The following SLC67A2 variants were observed in gnomAD, a reference collection of about 807,000 sequenced individuals.
The protein encoded by SLC67A2 is solute carrier family 67 member A2.
At chr2:102,731,326 G>A in the SLC67A2 span, among the ~76,000 whole-genome samples, 1 of 152,006 alleles carries the variant, frequency 6.6e-6, no homozygotes, top group Admixed American at 6.6e-5. Flanking sequence ...AAAGGCAAAA[G>A]GTGACGTTAT....
the SLC67A2 span, among the ~76,000 whole-genome samples, chr2:102,724,331 A>C: frequency 6.6e-6 from 1 of 152,162 alleles, no homozygotes; most frequent in Non-Finnish European, 1.5e-5. Context: ...GGCCAGCCCT[A>C]AGGTTGACCC....
the SLC67A2 span, chr2:102,718,774 G>A: frequency 6.2e-7 from 1 of 1,613,810 alleles, no homozygotes; most frequent in African/African-American, 1.3e-5. Context: ...TGAGTATGCT[G>A]GAATGCAGCA....
the SLC67A2 span, chr2:102,736,573 C>T: frequency 6.2e-7 from 1 of 1,612,570 alleles, no homozygotes; most frequent in African/African-American, 1.3e-5. Flanking sequence ...TCCCCGGAAG[C>T]TCCAAGAACC....
chr2:102,731,507 G>A, the SLC67A2 span, among the ~76,000 whole-genome samples: 1 of 152,044 alleles, frequency 6.6e-6, no homozygotes, highest in South Asian at 2.1e-4. Flanking sequence ...TTTATAAAAT[G>A]ATTTATTTTA....
At chr2:102,726,229 C>A in the SLC67A2 span, among the ~76,000 whole-genome samples, 2 of 152,110 alleles carry the variant, frequency 1.3e-5, no homozygotes, top group African/African-American at 2.4e-5. Flanking sequence ...GAAGTGAATC[C>A]CAATTTGATG....
the SLC67A2 span, chr2:102,726,718 A>G: frequency 7.3e-7 from 1 of 1,369,852 alleles, no homozygotes; most frequent in Admixed American, 2.5e-5. Flanking sequence ...CCTTCTGAAC[A>G]CTCTTTAAGC....
chr2:102,725,563 C>T, the SLC67A2 span, among the ~76,000 whole-genome samples: 24 of 152,050 alleles, frequency 1.6e-4, no homozygotes, highest in African/African-American at 5.3e-4. Flanking sequence ...CCACCAAAGA[C>T]AATAAACTCA....
the SLC67A2 span, among the ~76,000 whole-genome samples, chr2:102,728,619 C>A: frequency 6.6e-6 from 1 of 152,158 alleles, no homozygotes; most frequent in African/African-American, 2.4e-5. Context: ...ATTCCCCATA[C>A]TCTTTTGATC....
chr2:102,731,177 C>A, the SLC67A2 span: 1 of 780,616 alleles, frequency 1.3e-6, no homozygotes, highest in South Asian at 2.5e-5. Context: ...GGGTAAGATA[C>A]CTTTTTGTTT....
chr2:102,726,422 T>C, the SLC67A2 span, among the ~76,000 whole-genome samples: 1 of 152,216 alleles, frequency 6.6e-6, no homozygotes, highest in African/African-American at 2.4e-5. Context: ...CAAGGGGCTC[T>C]GTCAAGTACG....
chr2:102,722,180 C>T, the SLC67A2 span, among the ~76,000 whole-genome samples: 2 of 152,188 alleles, frequency 1.3e-5, no homozygotes, highest in African/African-American at 4.8e-5. Flanking sequence ...GCAGAATGGT[C>T]AGAGAAGGCC....
the SLC67A2 span, among the ~76,000 whole-genome samples, chr2:102,724,411 A>G: frequency 6.6e-6 from 1 of 152,232 alleles, no homozygotes; most frequent in Non-Finnish European, 1.5e-5. Context: ...ATTTGATAGC[A>G]CCATCACTGA....
At chr2:102,724,001 G>A in the SLC67A2 span, 1 of 1,077,024 alleles carries the variant, frequency 9.3e-7, no homozygotes. Context: ...CCCTGATGGA[G>A]TTCTGATCTC....
the SLC67A2 span, chr2:102,723,614 A>G: frequency 3.0e-6 from 4 of 1,355,122 alleles, no homozygotes; most frequent in African/African-American, 4.3e-5. Context: ...ATTCTGATAA[A>G]AACGAATTGC....
the SLC67A2 span, among the ~76,000 whole-genome samples, chr2:102,721,834 A>T: frequency 1.3e-5 from 2 of 152,076 alleles, no homozygotes; most frequent in Non-Finnish European, 2.9e-5. Context: ...CCTCTCGAGG[A>T]TCTGGGACTA....
chr2:102,736,826 G>T, the SLC67A2 span: 14 of 1,590,812 alleles, frequency 8.8e-6, no homozygotes, highest in Non-Finnish European at 1.2e-5. Flanking sequence ...CGCCGGCCGG[G>T]GGTCGGACGC....
chr2:102,729,979 A>G, the SLC67A2 span, among the ~76,000 whole-genome samples: 1 of 152,244 alleles, frequency 6.6e-6, no homozygotes, highest in Non-Finnish European at 1.5e-5. Context: ...TTCATTAAAT[A>G]TGAGACCCCC....
chr2:102,723,450 C>A, the SLC67A2 span, among the ~76,000 whole-genome samples: 1 of 151,400 alleles, frequency 6.6e-6, no homozygotes, highest in Non-Finnish European at 1.5e-5. Context: ...GCCTGGCCAA[C>A]AAGAGCAAAA....
chr2:102,732,099 A>AT, the SLC67A2 span: 6 of 649,966 alleles, frequency 9.2e-6, no homozygotes, highest in African/African-American at 1.8e-5. Flanking sequence ...GGACTTGGTT[A>AT]TAGTGCTCAA....
Sources: gnomAD v4.1 joint callset for allele counts (sites outside exome capture counted in the v4.1 genomes callset) on GRCh38, gnomAD v4.1.1 for gene constraint, MANE v1.5 for transcripts, NCBI Gene and HGNC (gene_info 2026-07-23, HGNC 2026-07-21) for gene names.